Variants in SEPTIN2 observed in about 807,000 individuals in gnomAD.
SEPTIN2 encodes septin-2.
SEPTIN2 carries 34 observed loss-of-function variants against 46.5 expected under a neutral mutation model. That is an observed-to-expected ratio of 0.73 (90% CI 0.56 to 0.97). SEPTIN2 has a LOEUF of 0.97. Among genes scored for constraint, SEPTIN2 ranks in the 50% least tolerant of loss-of-function variants. The pLI, the probability that SEPTIN2 is intolerant of heterozygous loss-of-function variation, is 0.00. For synonymous variants in SEPTIN2, 175 were observed against 153.4 expected, an observed-to-expected ratio of 1.14 and a Z score of -1.04; for missense variants, 347 against 448.4, an observed-to-expected ratio of 0.77 and a Z score of 2.04.
Position 241,316,706 on chromosome 2 carries a change from C to T in SEPTIN2, c.-18+724C>T, listed in dbSNP as rs1575099460. ...CAGACAAACCTGGCTTGCTTTTTTA[C>T]CTTTTCGGTCTAATTCTTGTCAGTG... On this transcript the variant is annotated intron_variant, in intron 1 of 12. Coordinates refer to ENST00000391971, the MANE Select transcript of SEPTIN2 (RefSeq NM_004404.5). 1.2e-5 allele frequency: 6 copies of T among 490,808 alleles called. No homozygotes were observed. The East Asian group carries it at 1.7e-4, about 14-fold the overall frequency. The allele number at this position is 490,808 out of a possible 1,614,324, so 30.4% of individuals were successfully genotyped here.
intron 3 of SEPTIN2, 101 bp downstream of exon 3, chr2:241,326,214 G>A: frequency 2.6e-6 from 3 of 1,166,080 alleles, no homozygotes; most frequent in Non-Finnish European, 3.5e-6. Flanking sequence ...AGGAAAATTT[G>A]GCAGAGTCAA....
At chr2:241,343,477 G>A (rs868752493) in intron 8 of SEPTIN2, among the ~76,000 whole-genome samples, 3 of 151,150 alleles carry the variant, frequency 2.0e-5, no homozygotes, top group South Asian at 2.1e-4. Flanking sequence ...CTAGCCTGGC[G>A]ACAGAGCAAG....
chr2:241,318,051 C>G (rs772251395), intron 1 of SEPTIN2, among the ~76,000 whole-genome samples: 1 of 151,596 alleles, frequency 6.6e-6, no homozygotes, highest in African/African-American at 2.4e-5. Flanking sequence ...CATAATTCCT[C>G]TTTCACCTTC....
At chr2:241,323,169 A>C (rs574969457) in intron 1 of SEPTIN2, among the ~76,000 whole-genome samples, 1 of 146,218 alleles carries the variant, frequency 6.8e-6, no homozygotes, top group African/African-American at 2.5e-5. Context: ...CCCAGCCACC[A>C]TCTAATTTTT....
intron 7 of SEPTIN2, among the ~76,000 whole-genome samples, chr2:241,341,553 G>C (rs561418807): frequency 2.0e-5 from 3 of 152,294 alleles, no homozygotes; most frequent in African/African-American, 4.8e-5. Context: ...TTATTGCTCA[G>C]TTTCTCCCAG....
At chr2:241,344,029 G>A (rs1210826663) in intron 9 of SEPTIN2, 132 bp downstream of exon 9, 4 of 1,119,704 alleles carry the variant, frequency 3.6e-6, no homozygotes, top group African/African-American at 3.1e-5. Context: ...TTCTCACATC[G>A]CAGAAGTGGT....
chr2:241,346,329 C>T (rs939023645), intron 10 of SEPTIN2, 80 bp downstream of exon 10: 49 of 1,029,006 alleles, frequency 4.8e-5, no homozygotes, highest in Non-Finnish European at 6.9e-5. Flanking sequence ...TTCAGCTCAG[C>T]CTTCTTGACC....
chr2:241,341,100 T>C (rs2081200771), intron 7 of SEPTIN2, among the ~76,000 whole-genome samples: 1 of 152,236 alleles, frequency 6.6e-6, no homozygotes, highest in African/African-American at 2.4e-5. Context: ...TTTGCTTTTC[T>C]ATCTGCTGTT....
rs755450170 is a variant in SEPTIN2 at position 241,324,319 on chromosome 2, T to A, written c.9+78T>A. On this transcript the variant is annotated intron_variant, in intron 2 of 12. Transcript: ENST00000391971. ...TCAGACTGTTGACAGTCGGGACTTA[T>A]ATGATTCATTATTTTTAATACAACT... 4 of 1,121,200 alleles carry A rather than the reference T, an allele frequency of 3.6e-6. No individual in the cohort carries two copies. In the South Asian group the frequency reaches 4.0e-5, roughly 11 times the overall value. 69.5% of individuals were successfully genotyped at this position (1,121,200 alleles called of 1,614,324 possible).
chr2:241,343,614 A>G lies in SEPTIN2; in HGVS notation c.697-138A>G, dbSNP rs991029222. 13 of 893,970 alleles carry G rather than the reference A, an allele frequency of 1.5e-5. No individual in the cohort carries two copies. In the African/African-American group the frequency reaches 2.0e-4, roughly 14 times the overall value. 55.4% of individuals were successfully genotyped at this position (893,970 alleles called of 1,614,324 possible). A position where few individuals can be genotyped will look rare whatever the true frequency, so the allele number is the denominator to read the frequency against. ...AAAGTATCTGACACTTTTCAAGAAA[A>G]TGTTACATACCCCCAGCTTTCCAAT... On this transcript the variant is annotated intron_variant, in intron 8 of 12. Coordinates refer to ENST00000391971, the MANE Select transcript of SEPTIN2 (RefSeq NM_004404.5).
Position 241,316,646 on chromosome 2 carries a change from CAG to C in SEPTIN2, c.-18+665_-18+666del, listed in dbSNP as rs1401148039. The C allele has an allele frequency of 2.9e-5, 26 of 910,750 alleles. No homozygotes were observed. The East Asian group carries it at 7.9e-4, about 28-fold the overall frequency. The allele number at this position is 910,750 out of a possible 1,614,324, so 56.4% of individuals were successfully genotyped here. On this transcript the variant is annotated intron_variant, in intron 1 of 12. Coordinates refer to ENST00000391971, the MANE Select transcript of SEPTIN2 (RefSeq NM_004404.5). ...AGCAAACCTGTGGCTTCCGTGGTCT[CAG>C]TGGAGTCCCAACTGTGACCTGGCCT... is the stretch of plus-strand genomic sequence containing the variant.
intron 1 of SEPTIN2, among the ~76,000 whole-genome samples, chr2:241,319,032 C>CA (rs1233107403): frequency 6.6e-6 from 1 of 151,712 alleles, no homozygotes; most frequent in Non-Finnish European, 1.5e-5. Flanking sequence ...GTCCAATCAG[C>CA]AAAAAAGTGT....
chr2:241,329,061 T>C (rs552929913), intron 3 of SEPTIN2, among the ~76,000 whole-genome samples: 1 of 151,890 alleles, frequency 6.6e-6, no homozygotes, highest in African/African-American at 2.4e-5. Context: ...TGAGAAAAGG[T>C]GTATGTGGCG....
intron 1 of SEPTIN2, 167 bp from the exon 2 acceptor site, chr2:241,324,049 C>T (rs1312950639): frequency 3.4e-6 from 2 of 589,454 alleles, no homozygotes; most frequent in Admixed American, 6.8e-5. Flanking sequence ...TTAACTTTTC[C>T]CTTTGGCCTA....
chr2:241,340,170 T>G (rs2081064280), intron 7 of SEPTIN2, among the ~76,000 whole-genome samples: 1 of 152,202 alleles, frequency 6.6e-6, no homozygotes. Context: ...CCTGGTTATG[T>G]TGCCAGTTTT....
chr2:241,337,857 G>A, intron 7 of SEPTIN2, 67 bp downstream of exon 7: 3 of 1,133,418 alleles, frequency 2.6e-6, no homozygotes, highest in Non-Finnish European at 4.0e-6. Flanking sequence ...GAAGAAAGGA[G>A]TGTGTTCCCA....
chr2:241,349,365 T>A, intron 11 of SEPTIN2, among the ~76,000 whole-genome samples: 1 of 133,518 alleles, frequency 7.5e-6, no homozygotes. Context: ...CAAGATCCCA[T>A]CCCTTTAAAA....
Position 241,316,583 on chromosome 2 carries a change from A to ATAG in SEPTIN2, c.-18+602_-18+604dup. ...ACGGACAGGCAGCAGGGGGTAGGGT[A>ATAG]TAGGGTTGGAGGCCGCCGAGTTGGC... On this transcript the variant is annotated intron_variant, in intron 1 of 12. Coordinates refer to ENST00000391971, the MANE Select transcript of SEPTIN2 (RefSeq NM_004404.5). 3 of 1,472,200 alleles carry ATAG rather than the reference A, an allele frequency of 2.0e-6. No individual in the cohort carries two copies. In the South Asian group the frequency reaches 3.9e-5, roughly 19 times the overall value. The allele number at this position is 1,472,200 out of a possible 1,614,324, so 91.2% of individuals were successfully genotyped here. A position where few individuals can be genotyped will look rare whatever the true frequency, so the allele number is the denominator to read the frequency against.
At chr2:241,320,844 C>A (rs923670083) in intron 1 of SEPTIN2, among the ~76,000 whole-genome samples, 2 of 152,068 alleles carry the variant, frequency 1.3e-5, no homozygotes, top group South Asian at 2.1e-4. Flanking sequence ...TTTTCCCCCC[C>A]TCATAATTCA....
Sources: gnomAD v4.1 joint callset for allele counts (sites outside exome capture counted in the v4.1 genomes callset) on GRCh38, gnomAD v4.1.1 for gene constraint, MANE v1.5 for transcripts, NCBI Gene and HGNC (gene_info 2026-07-23, HGNC 2026-07-21) for gene names.